ENOX2: variants seen among roughly 807,000 people sequenced by gnomAD.
ENOX2 encodes ecto-NOX disulfide-thiol exchanger 2.
In ENOX2, 36 loss-of-function variants were observed where a neutral mutation model predicts 45.0. That is an observed-to-expected ratio of 0.80 (90% CI 0.61 to 1.06). ENOX2 has a LOEUF of 1.06. Among genes scored for constraint, ENOX2 ranks in the 50% least tolerant of loss-of-function variants. ENOX2 has a pLI of 0.00. For missense variants in ENOX2, 423 were observed against 462.5 expected (o/e 0.91, Z 0.78); for synonymous variants, 174 against 152.3 (o/e 1.14, Z -1.05).
chrX:130,861,827 G>A (rs1375584784), intron 2 of ENOX2, among the ~76,000 whole-genome samples: 4 of 111,365 alleles, frequency 3.6e-5, no homozygotes, highest in Non-Finnish European at 5.7e-5. Context: ...GAGGGTGGGA[G>A]GACAGTTTTG....
intron 3 of ENOX2, among the ~76,000 whole-genome samples, chrX:130,706,067 T>C (rs2038030184): frequency 8.9e-6 from 1 of 112,068 alleles, no homozygotes; most frequent in Non-Finnish European, 1.9e-5. Flanking sequence ...TGATGTGTTC[T>C]CATAACATTT....
intron 3 of ENOX2, among the ~76,000 whole-genome samples, chrX:130,716,166 C>A (rs2038325334): frequency 9.0e-6 from 1 of 111,437 alleles, no homozygotes; most frequent in African/African-American, 3.3e-5. Flanking sequence ...TTTGCACCAA[C>A]CTAATAGGAG....
chrX:130,747,822 A>C (rs956338621), intron 3 of ENOX2, among the ~76,000 whole-genome samples: 1 of 112,516 alleles, frequency 8.9e-6, no homozygotes, highest in Non-Finnish European at 1.9e-5. Flanking sequence ...AGTTTGGGGA[A>C]GTGGCTCTGA....
rs199865656 is a variant in ENOX2 at position 130,802,456 on chromosome X, TAAC to T, written c.-182-18769_-182-18767del. On this transcript the variant is annotated intron_variant, in intron 2 of 14. Coordinates refer to ENST00000394363, the MANE Select transcript of ENOX2 (RefSeq NM_006375.4). Reference sequence around the variant, plus strand: ...AAACAAATGCTTGACTTTATTATTTTAACAACAATAATTTATATTCAGAGACTG... The same window carrying T: ...AAACAAATGCTTGACTTTATTATTTTAACAATAATTTATATTCAGAGACTG... Among the ~76,000 whole-genome samples, 841 of 112,471 alleles carry T rather than the reference TAAC, an allele frequency of 7.5e-3. 30 individuals carry two copies. The highest frequency in any genetic ancestry group is 0.073 in the Admixed American group (768 of 10,586).
At chrX:130,770,055 A>C (rs2039702969) in intron 3 of ENOX2, among the ~76,000 whole-genome samples, 1 of 111,965 alleles carries the variant, frequency 8.9e-6, no homozygotes, top group Non-Finnish European at 1.9e-5. Context: ...CAACGTGCCT[A>C]AGCTATCTGA....
chrX:130,748,740 A>G (rs1193671818), intron 3 of ENOX2, among the ~76,000 whole-genome samples: 2 of 111,780 alleles, frequency 1.8e-5, no homozygotes, highest in African/African-American at 6.5e-5. Context: ...ACACATTCCA[A>G]CTTGGATCTT....
intron 6 of ENOX2, among the ~76,000 whole-genome samples, chrX:130,672,979 A>C (rs1425789448): frequency 8.9e-6 from 1 of 111,991 alleles, no homozygotes. Context: ...AGACCAGCCC[A>C]TCATCTGAAA....
intron 2 of ENOX2, among the ~76,000 whole-genome samples, chrX:130,848,845 C>T (rs977103776): frequency 9.0e-6 from 1 of 111,429 alleles, no homozygotes; most frequent in African/African-American, 3.3e-5. Context: ...AAAAAAACTG[C>T]AATCCTAAAT....
intron 2 of ENOX2, among the ~76,000 whole-genome samples, chrX:130,871,595 T>C (rs1364573473): frequency 9.0e-6 from 1 of 111,481 alleles, no homozygotes; most frequent in Non-Finnish European, 1.9e-5. Flanking sequence ...TCAGGTGAGT[T>C]GAATACGATT....
chrX:130,734,457 C>T (rs1043791893), intron 3 of ENOX2, among the ~76,000 whole-genome samples: 9 of 111,094 alleles, frequency 8.1e-5, no homozygotes, highest in African/African-American at 1.6e-4. Flanking sequence ...GGAGACAGCA[C>T]GGAAAAGTAA....
At chrX:130,760,781 A>G (rs2039467542) in intron 3 of ENOX2, among the ~76,000 whole-genome samples, 1 of 65,876 alleles carries the variant, frequency 1.5e-5, no homozygotes, top group African/African-American at 6.9e-5. Flanking sequence ...GCAAGACTCC[A>G]TCTCAAAAAA....
chrX:130,718,768 G>C (rs2038394585), intron 3 of ENOX2, among the ~76,000 whole-genome samples: 1 of 111,380 alleles, frequency 9.0e-6, no homozygotes, highest in African/African-American at 3.3e-5. Context: ...GGTCCATGTG[G>C]AAGCTTCCCC....
chrX:130,747,385 A>G (rs2039121650), intron 3 of ENOX2, among the ~76,000 whole-genome samples: 1 of 112,191 alleles, frequency 8.9e-6, no homozygotes. Context: ...AATAATAAAA[A>G]AAATGGAATC....
At chrX:130,652,567 A>T (rs771871857) in intron 10 of ENOX2, among the ~76,000 whole-genome samples, 1 of 112,297 alleles carries the variant, frequency 8.9e-6, no homozygotes, top group South Asian at 3.7e-4. Context: ...CCCATCCATC[A>T]GTCCATTTCT....
chrX:130,846,480 G>T (rs2078108434), intron 2 of ENOX2, among the ~76,000 whole-genome samples: 1 of 111,077 alleles, frequency 9.0e-6, no homozygotes, highest in Admixed American at 9.5e-5. Flanking sequence ...TGGGATTACA[G>T]GCATGTGCCA....
intron 3 of ENOX2, among the ~76,000 whole-genome samples, chrX:130,711,031 T>C (rs1042424784): frequency 1.2e-4 from 13 of 111,741 alleles, no homozygotes; most frequent in African/African-American, 4.2e-4. Flanking sequence ...GGACCTCGCA[T>C]ATAGTAGGCA....
In ENOX2 at chrX:130,685,830, T is replaced by G. The variant is rs1046203346; in HGVS notation, c.253+3033A>C. On this transcript the variant is annotated intron_variant, in intron 5 of 14. Transcript: ENST00000394363. ...GTATGTGGCAAGTAGAAGTGATGGA[T>G]TGAAGACAGTCATATGAAGCAGACA... is the stretch of plus-strand genomic sequence containing the variant. 3.6e-5 allele frequency among the ~76,000 whole-genome samples: 4 copies of G among 111,432 alleles called. No homozygotes were observed. In the Admixed American group the frequency reaches 3.8e-4, roughly 11 times the overall value.
At chrX:130,719,753 C>A (rs889568051) in intron 3 of ENOX2, among the ~76,000 whole-genome samples, 1 of 112,100 alleles carries the variant, frequency 8.9e-6, no homozygotes. Flanking sequence ...GGAATGAGGT[C>A]CATTAATAAA....
At chrX:130,717,183 T>C in intron 3 of ENOX2, among the ~76,000 whole-genome samples, 1 of 112,301 alleles carries the variant, frequency 8.9e-6, no homozygotes, top group East Asian at 2.8e-4. Context: ...TGACAGCCTG[T>C]GCTTACAGTG....
Sources: allele counts gnomAD v4.1 joint callset (sites outside exome capture counted in the v4.1 genomes callset), GRCh38; gene constraint gnomAD v4.1.1; transcripts MANE v1.5; gene names NCBI Gene and HGNC (gene_info 2026-07-23, HGNC 2026-07-21).